FAM78A: variants seen among roughly 807,000 people sequenced by gnomAD.
The protein encoded by FAM78A is protein FAM78A.
A neutral mutation model predicts 22.6 loss-of-function variants in FAM78A; 12 were observed. The observed-to-expected ratio is 0.53, with a 90% CI of 0.34 to 0.86. FAM78A has a LOEUF of 0.86. Ranked by LOEUF, FAM78A falls within the 40% of genes least tolerant of loss-of-function variation. The pLI is 0.02. For missense variants in FAM78A, 322 were observed against 396.1 expected, an observed-to-expected ratio of 0.81 and a Z score of 1.59; for synonymous variants, 151 against 155.8, an observed-to-expected ratio of 0.97 and a Z score of 0.23.
intron 1 of FAM78A, among the ~76,000 whole-genome samples, chr9:131,262,922 G>C (rs1359520004): frequency 3.3e-5 from 5 of 151,566 alleles, no homozygotes; most frequent in Non-Finnish European, 7.4e-5. Context: ...ATTTCTTGGG[G>C]ACGAAGTTTC....
At chr9:131,276,827 G>A (rs1161428803), upstream of FAM78A, among the ~76,000 whole-genome samples, 1 of 149,646 alleles carries the variant, frequency 6.7e-6, no homozygotes, top group East Asian at 1.9e-4. This position sits in a 1 kb window ranked among gnomAD's most constrained non-coding sequence, Gnocchi z 4.3. Flanking sequence ...GGCGCGGGCC[G>A]GACGTCCCCA....
chr9:131,270,480 C>T, intron 1 of FAM78A: 1 of 716,818 alleles, frequency 1.4e-6, no homozygotes, highest in Non-Finnish European at 2.6e-6. Context: ...ATGTTTGTTT[C>T]CAGTGCTTGG....
At position 131,260,692 on chromosome 9, in the gene FAM78A, G is replaced by C. The variant is rs1835251671; in HGVS notation, c.*130C>G. The C allele has an allele frequency of 8.2e-7, 1 of 1,212,672 alleles. No individual in the cohort carries two copies. The allele number at this position is 1,212,672 out of a possible 1,614,324, so 75.1% of individuals were successfully genotyped here. On this transcript the variant is annotated 3_prime_UTR_variant, in exon 2 of 2. Transcript: ENST00000372271. This position sits in a 1 kb window ranked among gnomAD's most constrained non-coding sequence, Gnocchi z 5.4. Reference sequence around the variant, plus strand: ...CGGGGAGGCCTTCCCGGGGGCATCAGCACAGTGAGATCCGCCCGCTGGAGA... The same window carrying C: ...CGGGGAGGCCTTCCCGGGGGCATCACCACAGTGAGATCCGCCCGCTGGAGA...
At chr9:131,279,584 T>C (rs577625074), upstream of FAM78A, among the ~76,000 whole-genome samples, 36 of 152,262 alleles carry the variant, frequency 2.4e-4, no homozygotes, top group Admixed American at 1.6e-3. Flanking sequence ...CACGTCCCTC[T>C]CGTGGAAAGG....
chr9:131,274,159 G>C lies in FAM78A; in HGVS notation c.323+1698C>G, dbSNP rs1835452519. Among the ~76,000 whole-genome samples the C allele has an allele frequency of 6.6e-6, 1 of 152,258 alleles. No individual in the cohort carries two copies. Among genetic ancestry groups the C allele is most frequent in the Non-Finnish European group, 1.5e-5 (1 of 68,044 alleles). On this transcript the variant is annotated intron_variant, in intron 1 of 1. Coordinates refer to ENST00000372271, the MANE Select transcript of FAM78A (RefSeq NM_033387.4). This position sits in a 1 kb window ranked among gnomAD's most constrained non-coding sequence, Gnocchi z 4.2. ...ATGGGGAAGCTGAGGCTTGGAGTCT[G>C]TACCTTGGGTCAGGCCTGTGGCCTC...
chr9:131,270,355 C>G lies in FAM78A; in HGVS notation c.323+5502G>C, dbSNP rs554249908. On this transcript the variant is annotated intron_variant, in intron 1 of 1. Transcript: ENST00000372271. The stretch of plus-strand genomic sequence containing the variant: ...GCTTCCTTCCCCCAAACACTGGGCA[C>G]GACTGATCTTTTTCAATGCACCCAA... 9.8e-6 allele frequency: 7 copies of G among 717,426 alleles called. No homozygotes were observed. In the African/African-American group the frequency reaches 1.2e-4, roughly 13 times the overall value. The allele number at this position is 717,426 out of a possible 1,614,324, so 44.4% of individuals were successfully genotyped here.
Position 131,275,903 on chromosome 9 carries a change from C to G in FAM78A, c.277G>C (p.Ala93Pro). The part of the protein sequence containing the change: ...KETWVVGWIQ[A>P]CSHMEFYNQY... ...TTGTAGAACTCCATGTGGCTGCACG[C>G]CTGGATCCAGCCAACTACCCAAGTC... is the stretch of plus-strand genomic sequence containing the variant. Residue 93 changes from alanine (A) to proline (P), a missense_variant, in exon 1 of 2, where the codon GCG (alanine) becomes CCG (proline). Coordinates refer to ENST00000372271, the MANE Select transcript of FAM78A (RefSeq NM_033387.4). This position sits in a 1 kb window ranked among gnomAD's most constrained non-coding sequence, Gnocchi z 4.6. 1 of 1,611,716 alleles carries G rather than the reference C, an allele frequency of 6.2e-7. No individual in the cohort carries two copies. Among genetic ancestry groups the G allele is most frequent in the Non-Finnish European group, 8.5e-7 (1 of 1,178,870 alleles).
At position 131,274,452 on chromosome 9, in the gene FAM78A, C is replaced by A. The variant is rs982286109; in HGVS notation, c.323+1405G>T. ...TGCTTAGAACAGAAAGGCAGCACCC[C>A]CTCCCCCGAACTGGATTACTAGCTG... is the stretch of plus-strand genomic sequence containing the variant. On this transcript the variant is annotated intron_variant, in intron 1 of 1. Coordinates refer to ENST00000372271, the MANE Select transcript of FAM78A (RefSeq NM_033387.4). The surrounding 1 kb of genome is among the most constrained non-coding windows in gnomAD (Gnocchi z 4.2). Among the ~76,000 whole-genome samples the A allele has an allele frequency of 1.3e-5, 2 of 152,136 alleles. No homozygotes were observed. Among genetic ancestry groups the A allele is most frequent in the African/African-American group, 4.8e-5 (2 of 41,424 alleles).
rs1309493096 is a variant in FAM78A, at chr9:131,275,876, G to C, written c.304C>G (p.Gln102Glu). 2.5e-6 allele frequency: 4 copies of C among 1,601,328 alleles called. No individual in the cohort carries two copies. Among genetic ancestry groups the C allele is most frequent in the Non-Finnish European group, 3.4e-6 (4 of 1,172,506 alleles). Residue 102 changes from glutamine (Q) to glutamate (E), a missense_variant, in exon 1 of 2, where the codon CAG (glutamine) becomes GAG (glutamate). Physicochemically the swap from Gln to Glu is conservative, Grantham distance 29. Transcript: ENST00000372271. This position sits in a 1 kb window ranked among gnomAD's most constrained non-coding sequence, Gnocchi z 4.6. ...QACSHMEFYN[Q>E]YGEQGMSSWE... ...ACTCACATGCCCTGCTCGCCGTACT[G>C]GTTGTAGAACTCCATGTGGCTGCAC...
rs764434234 is a variant in FAM78A at position 131,276,098 on chromosome 9, C to T, written c.82G>A (p.Gly28Arg). ...TCCCGGAAGACTCTGGCTTTGCCTC[C>T]GATGCTCTGAATACAGCCCATGGCA... The part of the protein sequence containing the change: ...LYAMGCIQSI[G>R]GKARVFREGI... The change falls in exon 1 of 2, where the codon GGA becomes AGA. Residue 28 changes from glycine (G) to arginine (R), a missense_variant. Coordinates refer to ENST00000372271, the MANE Select transcript of FAM78A (RefSeq NM_033387.4). This position sits in a 1 kb window ranked among gnomAD's most constrained non-coding sequence, Gnocchi z 4.3. 9 of 1,613,702 alleles carry T rather than the reference C, an allele frequency of 5.6e-6. No individual in the cohort carries two copies. The highest frequency in any genetic ancestry group is 1.7e-5 in the Admixed American group (1 of 59,998).
At position 131,276,214 on chromosome 9, in the gene FAM78A, G is replaced by A. The variant is rs1835482614; in HGVS notation, c.-35C>T. On this transcript the variant is annotated 5_prime_UTR_variant, in exon 1 of 2. Transcript: ENST00000372271. The surrounding 1 kb of genome is among the most constrained non-coding windows in gnomAD (Gnocchi z 4.3). ...AGAGGCTGCAGGACCCAGTACAGAC[G>A]GCGCTGCTCTCCAATCTCAACTCTC... 1.3e-6 allele frequency: 2 copies of A among 1,556,220 alleles called. No homozygotes were observed. Among genetic ancestry groups the A allele is most frequent in the African/African-American group, 2.7e-5 (2 of 73,218 alleles).
In FAM78A at chr9:131,275,115, A is replaced by G. The variant is rs139014833; in HGVS notation, c.323+742T>C. 5.1e-3 allele frequency among the ~76,000 whole-genome samples: 779 copies of G among 152,230 alleles called. 16 individuals are homozygous for G. Among genetic ancestry groups the G allele is most frequent in the African/African-American group, 0.017 (722 of 41,526 alleles). ...GGAGCCCCAGGGTCCCAGGGTCCTC[A>G]CCGGGACCCCCAATACCCTAGGCAC... is the stretch of plus-strand genomic sequence containing the variant. On this transcript the variant is annotated intron_variant, in intron 1 of 1. Transcript: ENST00000372271. This position sits in a 1 kb window ranked among gnomAD's most constrained non-coding sequence, Gnocchi z 4.6.
intron 1 of FAM78A, among the ~76,000 whole-genome samples, chr9:131,268,889 T>G (rs1835381242): frequency 9.5e-6 from 1 of 105,760 alleles, no homozygotes; most frequent in Non-Finnish European, 2.1e-5. Context: ...CGAGACTCCG[T>G]CTCAAAAAAA....
At chr9:131,268,491 G>T (rs1327738281) in intron 1 of FAM78A, among the ~76,000 whole-genome samples, 1 of 152,130 alleles carries the variant, frequency 6.6e-6, no homozygotes, top group African/African-American at 2.4e-5. Flanking sequence ...TTCCTTCTGG[G>T]ACCCAGACAC....
At position 131,260,890 on chromosome 9, in the gene FAM78A, C is replaced by A; in HGVS notation, c.784G>T (p.Ala262Ser). The part of the protein sequence containing the change: ...SALVKPNAND[A>S]QVLMWRPKYG... ...TTGGGCCGCCACATGAGGACCTGGG[C>A]ATCGTTGGCATTGGGCTTGACCAGG... The change falls in exon 2 of 2, where the codon GCC (alanine) becomes TCC (serine). Residue 262 changes from alanine to serine, a missense_variant. Physicochemically the swap from Ala to Ser is moderately conservative, Grantham distance 99. Transcript: ENST00000372271. This position sits in a 1 kb window ranked among gnomAD's most constrained non-coding sequence, Gnocchi z 5.4. The A allele has an allele frequency of 6.4e-7, 1 of 1,550,768 alleles. No homozygotes were observed. The highest frequency in any genetic ancestry group is 1.2e-5 in the South Asian group (1 of 81,376).
rs568040310 is a variant in FAM78A, at chr9:131,261,670, C to T, written c.324-320G>A. The stretch of plus-strand genomic sequence containing the variant: ...GGGAGCCCACCCCAGACTGTAGGGG[C>T]CCCTTACTTTAACATTACAGGCTCA... On this transcript the variant is annotated intron_variant, in intron 1 of 1. Transcript: ENST00000372271. The surrounding 1 kb of genome is among the most constrained non-coding windows in gnomAD (Gnocchi z 7.1). Among the ~76,000 whole-genome samples, 24 of 152,276 alleles carry T rather than the reference C, an allele frequency of 1.6e-4. No individual in the cohort carries two copies. Among genetic ancestry groups the T allele is most frequent in the African/African-American group, 5.5e-4 (23 of 41,568 alleles).
chr9:131,280,800 C>T (rs576823041), upstream of FAM78A, among the ~76,000 whole-genome samples: 31 of 152,320 alleles, frequency 2.0e-4, no homozygotes, highest in Admixed American at 1.8e-3. Context: ...CAGGCATCAC[C>T]GTGAGCTGGG....
In FAM78A at chr9:131,260,710, G is replaced by T. The variant is rs1038078978; in HGVS notation, c.*112C>A. 4 of 1,357,438 alleles carry T rather than the reference G, an allele frequency of 2.9e-6. No homozygotes were observed. The African/African-American group carries it at 4.4e-5, about 15-fold the overall frequency. 84.1% of individuals were successfully genotyped at this position (1,357,438 alleles called of 1,614,324 possible). A position where few individuals can be genotyped will look rare whatever the true frequency, so the allele number is the denominator to read the frequency against. On this transcript the variant is annotated 3_prime_UTR_variant, in exon 2 of 2. Coordinates refer to ENST00000372271, the MANE Select transcript of FAM78A (RefSeq NM_033387.4). The surrounding 1 kb of genome is among the most constrained non-coding windows in gnomAD (Gnocchi z 5.4). ...GGCATCAGCACAGTGAGATCCGCCC[G>T]CTGGAGAGGGTAGAATGGTTGTATC...
chr9:131,269,352 C>T (rs994380196), intron 1 of FAM78A, among the ~76,000 whole-genome samples: 4 of 152,218 alleles, frequency 2.6e-5, no homozygotes, highest in East Asian at 1.9e-4. Context: ...TTGTCTTCAT[C>T]GCCTATGGCC....
Sources: gnomAD v4.1 joint callset for allele counts (sites outside exome capture counted in the v4.1 genomes callset) on GRCh38, gnomAD v4.1.1 for gene constraint, Gnocchi (gnomAD v3.1) non-coding constraint, MANE v1.5 for transcripts, NCBI Gene and HGNC (gene_info 2026-07-23, HGNC 2026-07-21) for gene names.